Variants in RLBP1 observed in about 807,000 individuals in gnomAD.
The protein encoded by RLBP1 is retinaldehyde-binding protein 1.
In RLBP1, 26 loss-of-function variants were observed where a neutral mutation model predicts 36.2. The ratio of observed to expected loss-of-function variants is 0.72; its 90% confidence interval spans 0.53 to 1.00. The LOEUF is 1.00. Ranked by LOEUF, RLBP1 falls within the 50% of genes least tolerant of loss-of-function variation. The probability of loss-of-function intolerance (pLI) is 0.00; values close to 1 mark genes in which losing one functional copy is unlikely to be tolerated. For missense variants in RLBP1, 410 were observed against 402.4 expected, an observed-to-expected ratio of 1.02 and a Z score of -0.16; for synonymous variants, 155 against 156.2, an observed-to-expected ratio of 0.99 and a Z score of 0.06.
chr15:89,218,078 C>A lies in RLBP1; in HGVS notation c.141+487G>T, dbSNP rs2051596970. Among the ~76,000 whole-genome samples, 1 of 152,224 alleles carries A rather than the reference C, an allele frequency of 6.6e-6. No homozygotes were observed. The highest frequency in any genetic ancestry group is 2.1e-4 in the South Asian group (1 of 4,838). ...ATCCTCCCCAGCAGCCCTAAGACAGCTCTGTCAGCCTCCACAGAGCACAAT... is the reference window on the plus strand; with the variant it reads ...ATCCTCCCCAGCAGCCCTAAGACAGATCTGTCAGCCTCCACAGAGCACAAT... On this transcript the variant is annotated intron_variant, in intron 4 of 8. Coordinates refer to ENST00000268125, the MANE Select transcript of RLBP1 (RefSeq NM_000326.5). The surrounding 1 kb of genome is among the most constrained non-coding windows in gnomAD (Gnocchi z 4.6).
chr15:89,218,479 C>G lies in RLBP1; in HGVS notation c.141+86G>C, dbSNP rs2051600195. 2 of 1,592,906 alleles carry G rather than the reference C, an allele frequency of 1.3e-6. No homozygotes were observed. Among genetic ancestry groups the G allele is most frequent in the African/African-American group, 1.3e-5 (1 of 74,692 alleles). On this transcript the variant is annotated intron_variant, in intron 4 of 8. Transcript: ENST00000268125. The surrounding 1 kb of genome is among the most constrained non-coding windows in gnomAD (Gnocchi z 4.6). ...GATGATCTGGAGTGCCGAGGCTGGA[C>G]CCTTTTCACAGGAGAGAGAATGCAG...
In RLBP1 at chr15:89,217,210, C is replaced by A. The variant is rs2051588463; in HGVS notation, c.256G>T (p.Glu86Ter). ...CCGCTGTCCTTCTCTTGCACCCTCT[C>A]CGCCACGGCCACCGCCAGCTCCTCC... ...SGEELAVAVA[E>*]RVQEKDSGFF... Residue 86 changes from glutamate (E) to a stop codon, truncating the protein, a stop_gained, in exon 5 of 9, where the codon GAG becomes TAG. Coordinates refer to ENST00000268125, the MANE Select transcript of RLBP1 (RefSeq NM_000326.5). LOFTEE classifies it high-confidence loss of function. 6.2e-7 allele frequency: 1 copy of A among 1,613,476 alleles called. No individual in the cohort carries two copies. Among genetic ancestry groups the A allele is most frequent in the South Asian group, 1.1e-5 (1 of 91,090 alleles).
chr15:89,212,507 C>T (rs1313362701), intron 6 of RLBP1, among the ~76,000 whole-genome samples: 1 of 148,926 alleles, frequency 6.7e-6, no homozygotes, highest in East Asian at 2.0e-4. Flanking sequence ...ATCACTTGAA[C>T]TTGAGAGGCA....
In RLBP1 at chr15:89,210,956, A is replaced by G; in HGVS notation, c.685-147T>C. 1 of 616,334 alleles carries G rather than the reference A, an allele frequency of 1.6e-6. No individual in the cohort carries two copies. The highest frequency in any genetic ancestry group is 3.0e-6 in the Non-Finnish European group (1 of 332,940). 38.2% of individuals were successfully genotyped at this position (616,334 alleles called of 1,614,324 possible). A position where few individuals can be genotyped will look rare whatever the true frequency, so the allele number is the denominator to read the frequency against. The stretch of plus-strand genomic sequence containing the variant: ...TGGAGAAGGGCCCACTGAAGGTCCT[A>G]TTTCCAGGCCAGCAACTAGGGATCC... On this transcript the variant is annotated intron_variant, in intron 7 of 8. Transcript: ENST00000268125. This position sits in a 1 kb window ranked among gnomAD's most constrained non-coding sequence, Gnocchi z 4.7.
rs8036928 is a variant in RLBP1, at chr15:89,214,330, G to A, written c.525+730C>T. 7.0e-4 allele frequency among the ~76,000 whole-genome samples: 107 copies of A among 152,200 alleles called. 1 individual carries two copies. Among genetic ancestry groups the A allele is most frequent in the African/African-American group, 2.3e-3 (97 of 41,516 alleles). ...ACAAACATTAGCTGGGCATGGTGGC[G>A]TGCGTCTGTAATCCCAGCTACTTGG... On this transcript the variant is annotated intron_variant, in intron 6 of 8. Transcript: ENST00000268125. This position sits in a 1 kb window ranked among gnomAD's most constrained non-coding sequence, Gnocchi z 4.6.
Position 89,217,230 on chromosome 15 carries a change from T to C in RLBP1, c.236A>G (p.Glu79Gly). ...MVQAQAASGEELAVAVAERVQ... is the reference protein window; with the variant it reads ...MVQAQAASGEGLAVAVAERVQ... The stretch of plus-strand genomic sequence containing the variant: ...CCTCTCCGCCACGGCCACCGCCAGC[T>C]CCTCCCCCGAGGCCGCCTGCGCCTG... Residue 79 changes from glutamate (E) to glycine (G), a missense_variant, in exon 5 of 9, where the codon GAG (glutamate) becomes GGG (glycine). By Grantham distance (98) the Glu-to-Gly change is moderately conservative. Coordinates refer to ENST00000268125, the MANE Select transcript of RLBP1 (RefSeq NM_000326.5). 8 of 1,612,700 alleles carry C rather than the reference T, an allele frequency of 5.0e-6. No homozygotes were observed. The highest frequency in any genetic ancestry group is 5.9e-6 in the Non-Finnish European group (7 of 1,179,988).
intron 5 of RLBP1, among the ~76,000 whole-genome samples, chr15:89,216,721 C>G (rs1327494735): frequency 6.6e-6 from 1 of 152,238 alleles, no homozygotes; most frequent in African/African-American, 2.4e-5. Flanking sequence ...TTCAGTTCCA[C>G]TGCACATGAG....
chr15:89,211,027 A>G lies in RLBP1; in HGVS notation c.685-218T>C, dbSNP rs1311870275. On this transcript the variant is annotated intron_variant, in intron 7 of 8. Coordinates refer to ENST00000268125, the MANE Select transcript of RLBP1 (RefSeq NM_000326.5). The surrounding 1 kb of genome is among the most constrained non-coding windows in gnomAD (Gnocchi z 5.8). ...CTGCACGGAGGAAGCCCCAAGATTC[A>G]TAAGACCCAACCCTCTCCCTGCTGA... 6.6e-6 allele frequency among the ~76,000 whole-genome samples: 1 copy of G among 152,230 alleles called. No homozygotes were observed. Among genetic ancestry groups the G allele is most frequent in the Non-Finnish European group, 1.5e-5 (1 of 68,042 alleles).
At position 89,211,863 on chromosome 15, in the gene RLBP1, C is replaced by T; in HGVS notation, c.564G>A (p.Leu188=). 1.2e-6 allele frequency: 2 copies of T among 1,614,238 alleles called. No individual in the cohort carries two copies. Among genetic ancestry groups the T allele is most frequent in the South Asian group, 1.1e-5 (1 of 91,084 alleles). Residue 188 remains leucine (L), a synonymous_variant, in exon 7 of 9, where the codon CTG becomes CTA. Coordinates refer to ENST00000268125, the MANE Select transcript of RLBP1 (RefSeq NM_000326.5). This position sits in a 1 kb window ranked among gnomAD's most constrained non-coding sequence, Gnocchi z 5.8. ...CATTGATTTGAGTTTCCTCATTCTC[C>T]AGCAGCTTCTCCAGGATGAAGCAAT... ...QAYCFILEKL[L]ENEETQINGF...
At chr15:89,217,542 C>G (rs1033915401) in intron 4 of RLBP1, among the ~76,000 whole-genome samples, 1 of 152,238 alleles carries the variant, frequency 6.6e-6, no homozygotes, top group African/African-American at 2.4e-5. Context: ...ATATGGCCAA[C>G]AGTCTAAAAG....
At position 89,218,931 on chromosome 15, in the gene RLBP1, G is replaced by C; in HGVS notation, c.12+33C>G. On this transcript the variant is annotated intron_variant, in intron 3 of 8. Transcript: ENST00000268125. The surrounding 1 kb of genome is among the most constrained non-coding windows in gnomAD (Gnocchi z 4.6). ...AAGAGAGAGAAGAGAGGGAAGGTGG[G>C]TGGAGGAGAGCCCTGGAGGACAGGG... 6.2e-7 allele frequency: 1 copy of C among 1,611,292 alleles called. No homozygotes were observed. Among genetic ancestry groups the C allele is most frequent in the Non-Finnish European group, 8.5e-7 (1 of 1,177,710 alleles).
chr15:89,211,651 C>T lies in RLBP1; in HGVS notation c.684+92G>A, dbSNP rs1264006567. On this transcript the variant is annotated intron_variant, in intron 7 of 8. Coordinates refer to ENST00000268125, the MANE Select transcript of RLBP1 (RefSeq NM_000326.5). The surrounding 1 kb of genome is among the most constrained non-coding windows in gnomAD (Gnocchi z 5.8). ...TTTATGGCGCGAGGTGGTCCAACTT[C>T]TCAGTTCCCTGCAAGCACCATGAAA... The T allele has an allele frequency of 4.3e-6, 6 of 1,399,116 alleles. No individual in the cohort carries two copies. The highest frequency in any genetic ancestry group is 6.0e-6 in the Non-Finnish European group (6 of 999,842). The allele number at this position is 1,399,116 out of a possible 1,614,324, so 86.7% of individuals were successfully genotyped here. A position where few individuals can be genotyped will look rare whatever the true frequency, so the allele number is the denominator to read the frequency against.
At position 89,214,068 on chromosome 15, in the gene RLBP1, A is replaced by G. The variant is rs181904607; in HGVS notation, c.525+992T>C. Among the ~76,000 whole-genome samples, 11 of 152,358 alleles carry G rather than the reference A, an allele frequency of 7.2e-5. No homozygotes were observed. In the East Asian group the frequency reaches 1.9e-3, roughly 27 times the overall value. On this transcript the variant is annotated intron_variant, in intron 6 of 8. Coordinates refer to ENST00000268125, the MANE Select transcript of RLBP1 (RefSeq NM_000326.5). The surrounding 1 kb of genome is among the most constrained non-coding windows in gnomAD (Gnocchi z 4.6). ...GAAAGTCCAGAAATAGACCAAGCAC[A>G]TACGAAAATATAAAACATGATAAAG...
chr15:89,210,954 C>T lies in RLBP1; in HGVS notation c.685-145G>A. The stretch of plus-strand genomic sequence containing the variant: ...CCTGGAGAAGGGCCCACTGAAGGTC[C>T]TATTTCCAGGCCAGCAACTAGGGAT... On this transcript the variant is annotated intron_variant, in intron 7 of 8. Coordinates refer to ENST00000268125, the MANE Select transcript of RLBP1 (RefSeq NM_000326.5). The surrounding 1 kb of genome is among the most constrained non-coding windows in gnomAD (Gnocchi z 4.7). 1.6e-6 allele frequency: 1 copy of T among 619,542 alleles called. No individual in the cohort carries two copies. Among genetic ancestry groups the T allele is most frequent in the South Asian group, 1.8e-5 (1 of 56,888 alleles). The allele number at this position is 619,542 out of a possible 1,614,324, so 38.4% of individuals were successfully genotyped here.
chr15:89,210,944 A>T lies in RLBP1; in HGVS notation c.685-135T>A. ...ACAGGGCTGCCCTGGAGAAGGGCCC[A>T]CTGAAGGTCCTATTTCCAGGCCAGC... is the stretch of plus-strand genomic sequence containing the variant. On this transcript the variant is annotated intron_variant, in intron 7 of 8. Coordinates refer to ENST00000268125, the MANE Select transcript of RLBP1 (RefSeq NM_000326.5). The surrounding 1 kb of genome is among the most constrained non-coding windows in gnomAD (Gnocchi z 4.7). The T allele has an allele frequency of 1.6e-6, 1 of 633,926 alleles. No homozygotes were observed. The allele number at this position is 633,926 out of a possible 1,614,324, so 39.3% of individuals were successfully genotyped here. A position where few individuals can be genotyped will look rare whatever the true frequency, so the allele number is the denominator to read the frequency against.
rs2051599531 is a variant in RLBP1, at chr15:89,218,415, C to T, written c.141+150G>A. ...CAGTTGCTGCCATAGCCGTGACCAC[C>T]AGGAAGGACCTTAGAACCGGCCAGT... is the stretch of plus-strand genomic sequence containing the variant. On this transcript the variant is annotated intron_variant, in intron 4 of 8. Transcript: ENST00000268125. The surrounding 1 kb of genome is among the most constrained non-coding windows in gnomAD (Gnocchi z 4.6). 8.2e-7 allele frequency: 1 copy of T among 1,213,648 alleles called. No homozygotes were observed. Among genetic ancestry groups the T allele is most frequent in the Admixed American group, 1.9e-5 (1 of 53,202 alleles). 75.2% of individuals were successfully genotyped at this position (1,213,648 alleles called of 1,614,324 possible).
At chr15:89,219,253 T>G (rs761075333) in intron 2 of RLBP1, among the ~76,000 whole-genome samples, 178 bp from the exon 3 acceptor site, 1 of 152,150 alleles carries the variant, frequency 6.6e-6, no homozygotes, top group East Asian at 1.9e-4. Flanking sequence ...TTAAAGCACT[T>G]CCTGGTGGCT....
In RLBP1 at chr15:89,217,184, G is replaced by T; in HGVS notation, c.282C>A (p.Gly94=). 3 of 1,613,978 alleles carry T rather than the reference G, an allele frequency of 1.9e-6. No individual in the cohort carries two copies. Among genetic ancestry groups the T allele is most frequent in the Non-Finnish European group, 2.5e-6 (3 of 1,180,032 alleles). Residue 94 remains glycine, a synonymous_variant, in exon 5 of 9, where the codon GGC becomes GGA. Transcript: ENST00000268125. ...GTGCGCGGATGAAGCGCAGGAAGAA[G>T]CCGCTGTCCTTCTCTTGCACCCTCT... ...VAERVQEKDS[G]FFLRFIRARK...
Position 89,217,339 on chromosome 15 carries a change from G to A in RLBP1, c.142-15C>T, listed in dbSNP as rs2051591013. 6.2e-7 allele frequency: 1 copy of A among 1,602,172 alleles called. No individual in the cohort carries two copies. The highest frequency in any genetic ancestry group is 8.5e-7 in the Non-Finnish European group (1 of 1,179,698). On this transcript the variant is annotated splice_polypyrimidine_tract_variant and intron_variant, in intron 4 of 8. Coordinates refer to ENST00000268125, the MANE Select transcript of RLBP1 (RefSeq NM_000326.5). ...TCATCCTTGGCCTAGAACAGGGTGGGGTGTGCATGAAGTTAAACTTAGGTG... is the reference window on the plus strand; with the variant it reads ...TCATCCTTGGCCTAGAACAGGGTGGAGTGTGCATGAAGTTAAACTTAGGTG...
Sources: allele counts gnomAD v4.1 joint callset (sites outside exome capture counted in the v4.1 genomes callset), GRCh38; gene constraint gnomAD v4.1.1; non-coding constraint Gnocchi (gnomAD v3.1); transcripts MANE v1.5; gene names NCBI Gene and HGNC (gene_info 2026-07-23, HGNC 2026-07-21).